PACRG: variants seen among roughly 807,000 people sequenced by gnomAD.
PACRG encodes the protein parkin coregulated.
In PACRG, 29 loss-of-function variants were observed where a neutral mutation model predicts 29.7. The ratio of observed to expected loss-of-function variants is 0.98; its 90% CI spans 0.73 to 1.33. The LOEUF (loss-of-function observed/expected upper bound fraction) is 1.33. Ranked by LOEUF, PACRG falls within the 40% of genes most tolerant of loss-of-function variation. The pLI is 0.00. For missense variants in PACRG, 279 were observed against 316.2 expected (o/e 0.88, Z 0.89); for synonymous variants, 116 against 118.7 (o/e 0.98, Z 0.15).
intron 1 of PACRG, among the ~76,000 whole-genome samples, chr6:162,747,350 A>G (rs1338337902): frequency 1.3e-5 from 1 of 76,356 alleles, no homozygotes; most frequent in Non-Finnish European, 2.3e-5. Context: ...ATATATATAT[A>G]TATATATATA....
chr6:163,145,746 T>G (rs542972346), intron 4 of PACRG, among the ~76,000 whole-genome samples: 32 of 152,322 alleles, frequency 2.1e-4, no homozygotes, highest in African/African-American at 7.5e-4. Context: ...AAGTTTTGGT[T>G]GTTGATCTTT....
intron 2 of PACRG, among the ~76,000 whole-genome samples, chr6:162,930,651 G>A (rs1219341659): frequency 6.6e-6 from 1 of 151,870 alleles, no homozygotes; most frequent in African/African-American, 2.4e-5. Flanking sequence ...GTAAAAGTGG[G>A]CATCCTTTTC....
Position 162,988,813 on chromosome 6 carries a change from T to G in PACRG, c.292-73337T>G, listed in dbSNP as rs74298800. Reference sequence around the variant, plus strand: ...TTAAAAGTTTACAAAGAGTTCTTAATAATATGAGAACAATAACAGGTTATA... The same window carrying G: ...TTAAAAGTTTACAAAGAGTTCTTAAGAATATGAGAACAATAACAGGTTATA... On this transcript the variant is annotated intron_variant, in intron 2 of 4. Coordinates refer to ENST00000366888, the MANE Select transcript of PACRG (RefSeq NM_001080379.2). Among the ~76,000 whole-genome samples the G allele has an allele frequency of 1.2e-4, 18 of 152,204 alleles. No homozygotes were observed. The East Asian group carries it at 2.7e-3, about 23-fold the overall frequency.
At chr6:163,159,381 ATTAG>A (rs1485064664) in intron 4 of PACRG, among the ~76,000 whole-genome samples, 1 of 150,666 alleles carries the variant, frequency 6.6e-6, no homozygotes, top group African/African-American at 2.4e-5. Context: ...TTATTGTTAT[ATTAG>A]TTCTTATTTT....
chr6:163,303,141 G>T (rs1399774054), intron 4 of PACRG, among the ~76,000 whole-genome samples: 1 of 152,072 alleles, frequency 6.6e-6, no homozygotes, highest in East Asian at 1.9e-4. Context: ...GATCAGCCTG[G>T]GCAACATGGC....
intron 4 of PACRG, among the ~76,000 whole-genome samples, chr6:163,125,944 C>T (rs974971557): frequency 3.3e-5 from 5 of 152,182 alleles, no homozygotes; most frequent in Non-Finnish European, 7.3e-5. Flanking sequence ...GAAAAAGGAG[C>T]ACAGTTTATT....
At chr6:163,100,836 C>G (rs1815041391) in intron 4 of PACRG, 2 of 984,712 alleles carry the variant, frequency 2.0e-6, no homozygotes, top group Non-Finnish European at 2.4e-6. Flanking sequence ...TGGACATATT[C>G]TCTAGAAAAA....
intron 2 of PACRG, among the ~76,000 whole-genome samples, chr6:162,973,238 G>A (rs532403948): frequency 5.1e-4 from 78 of 152,352 alleles, no homozygotes; most frequent in Non-Finnish European, 8.5e-4. Flanking sequence ...CAGCAGAGGA[G>A]TCACTGCCCC....
intron 4 of PACRG, among the ~76,000 whole-genome samples, chr6:163,167,354 G>T (rs1778860022): frequency 6.6e-6 from 1 of 152,206 alleles, no homozygotes; most frequent in African/African-American, 2.4e-5. Context: ...ATCGCCTCCA[G>T]AAAGCATCAG....
intron 2 of PACRG, among the ~76,000 whole-genome samples, chr6:162,897,736 G>A (rs1181611970): frequency 3.9e-5 from 6 of 152,160 alleles, no homozygotes; most frequent in Admixed American, 3.3e-4. Flanking sequence ...TTCATTTCAC[G>A]CTGAGCACCA....
chr6:163,314,156 C>G (rs1265276063), intron 4 of PACRG, among the ~76,000 whole-genome samples: 1 of 152,158 alleles, frequency 6.6e-6, no homozygotes, highest in Non-Finnish European at 1.5e-5. Context: ...ACACACCTCC[C>G]CGGACTTGGG....
intron 4 of PACRG, among the ~76,000 whole-genome samples, chr6:163,275,040 T>C (rs1236502765): frequency 6.6e-6 from 1 of 151,902 alleles, no homozygotes; most frequent in Non-Finnish European, 1.5e-5. Flanking sequence ...GTTTGTTTTT[T>C]GTTTTGTCTT....
At chr6:163,072,661 T>A (rs1812177188) in intron 3 of PACRG, among the ~76,000 whole-genome samples, 1 of 152,100 alleles carries the variant, frequency 6.6e-6, no homozygotes, top group African/African-American at 2.4e-5. Flanking sequence ...AAAGAAGAAG[T>A]CAAATTATCC....
At chr6:162,798,284 A>G (rs1215252995) in intron 1 of PACRG, among the ~76,000 whole-genome samples, 7 of 152,176 alleles carry the variant, frequency 4.6e-5, no homozygotes, top group African/African-American at 1.4e-4. Context: ...TGATCCACAA[A>G]TGGATGTGAA....
intron 3 of PACRG, among the ~76,000 whole-genome samples, chr6:163,085,198 A>G (rs1475612024): frequency 6.6e-6 from 1 of 152,196 alleles, no homozygotes; most frequent in Non-Finnish European, 1.5e-5. Context: ...GTATGTGCTC[A>G]GTCATACATT....
intron 2 of PACRG, chr6:162,957,214 C>T (rs935493817): frequency 7.5e-6 from 3 of 401,416 alleles, no homozygotes; most frequent in African/African-American, 4.1e-5. Context: ...CCAGCTTATG[C>T]CTTCAACACT....
chr6:162,791,857 A>G (rs751955728), intron 1 of PACRG, among the ~76,000 whole-genome samples: 1 of 152,172 alleles, frequency 6.6e-6, no homozygotes, highest in Non-Finnish European at 1.5e-5. Flanking sequence ...GGTCAATCCC[A>G]GCAGGACACA....
At chr6:163,143,668 A>G (rs533931055) in intron 4 of PACRG, among the ~76,000 whole-genome samples, 13 of 152,326 alleles carry the variant, frequency 8.5e-5, no homozygotes, top group African/African-American at 2.6e-4. Flanking sequence ...ATATTGAACT[A>G]AACTTCCATT....
chr6:163,066,640 G>A (rs184229908), intron 3 of PACRG, among the ~76,000 whole-genome samples: 1 of 152,214 alleles, frequency 6.6e-6, no homozygotes, highest in Non-Finnish European at 1.5e-5. Flanking sequence ...TCTATTAAAA[G>A]GACAAAAGCT....
Sources: gnomAD v4.1 joint callset for allele counts (sites outside exome capture counted in the v4.1 genomes callset) on GRCh38, gnomAD v4.1.1 for gene constraint, MANE v1.5 for transcripts, NCBI Gene and HGNC (gene_info 2026-07-23, HGNC 2026-07-21) for gene names.